The following SLC24A2 variants were observed in gnomAD, a reference collection of about 807,000 sequenced individuals.
The protein encoded by SLC24A2 is solute carrier family 24 member 2.
In SLC24A2, 36 loss-of-function variants were observed where a neutral mutation model predicts 62.0. That is an observed-to-expected ratio of 0.58 (90% CI 0.44 to 0.77). SLC24A2 has a LOEUF of 0.77. Among genes scored for constraint, SLC24A2 ranks in the 30% least tolerant of loss-of-function variants. SLC24A2 has a pLI of 0.00. For missense variants in SLC24A2, 846 were observed against 817.9 expected, an observed-to-expected ratio of 1.03 and a Z score of -0.42; for synonymous variants, 358 against 294.0, an observed-to-expected ratio of 1.22 and a Z score of -2.23.
At chr9:20,016,092 T>C in the SLC24A2 span, among the ~76,000 whole-genome samples, 1 of 152,232 alleles carries the variant, frequency 6.6e-6, no homozygotes, top group Non-Finnish European at 1.5e-5. Flanking sequence ...TATAGGCCAG[T>C]GCTTTTTGAA....
intron 2 of SLC24A2, among the ~76,000 whole-genome samples, chr9:19,679,129 G>A (rs920681493): frequency 2.6e-5 from 4 of 152,230 alleles, no homozygotes; most frequent in East Asian, 1.9e-4. Flanking sequence ...CCTGTTATCC[G>A]AGTTTGCATT....
In SLC24A2 at chr9:19,786,409, C is replaced by G; in HGVS notation, c.458G>C (p.Cys153Ser). ...CAAAGAAGGAACAAAGAACTCATCA[C>G]AGACAATGGCTAAGGCTATGAACAT... Reference protein sequence around the residue: ...IYMFIALAIVCDEFFVPSLTV... With the variant: ...IYMFIALAIVSDEFFVPSLTV... Residue 153 changes from cysteine to serine, a missense_variant, in exon 2 of 11, where the codon TGT becomes TCT. Transcript: ENST00000341998. This position sits in a 1 kb window ranked among gnomAD's most constrained non-coding sequence, Gnocchi z 5.0. 3.7e-6 allele frequency: 6 copies of G among 1,614,204 alleles called. No homozygotes were observed. Among genetic ancestry groups the G allele is most frequent in the Non-Finnish European group, 5.1e-6 (6 of 1,180,042 alleles).
At chr9:19,956,959 A>T in the SLC24A2 span, among the ~76,000 whole-genome samples, 1 of 152,178 alleles carries the variant, frequency 6.6e-6, no homozygotes, top group East Asian at 1.9e-4. Flanking sequence ...GCATCTGTGG[A>T]GGCTTGGTCT....
the SLC24A2 span, among the ~76,000 whole-genome samples, chr9:20,203,384 A>C: frequency 2.6e-5 from 4 of 152,144 alleles, no homozygotes; most frequent in Non-Finnish European, 5.9e-5. Context: ...ATTTGCTCTT[A>C]ATTCAGCTCC....
the SLC24A2 span, among the ~76,000 whole-genome samples, chr9:19,807,376 T>G: frequency 2.0e-5 from 3 of 152,258 alleles, no homozygotes; most frequent in African/African-American, 4.8e-5. Context: ...TTTCCTAATT[T>G]GGTTATTCAA....
At chr9:19,749,777 G>A (rs1358379020) in intron 2 of SLC24A2, among the ~76,000 whole-genome samples, 1 of 152,128 alleles carries the variant, frequency 6.6e-6, no homozygotes, top group East Asian at 1.9e-4. Flanking sequence ...CTGGCAACTC[G>A]AATTAGTGGG....
intron 2 of SLC24A2, among the ~76,000 whole-genome samples, chr9:19,778,500 G>A (rs1420647931): frequency 2.0e-5 from 3 of 152,184 alleles, no homozygotes; most frequent in Non-Finnish European, 4.4e-5. Context: ...ATGGTAGGAT[G>A]TGTCTATTTG....
At chr9:19,904,743 A>T in the SLC24A2 span, among the ~76,000 whole-genome samples, 1 of 152,094 alleles carries the variant, frequency 6.6e-6, no homozygotes, top group Non-Finnish European at 1.5e-5. Context: ...TCTCTTGGGC[A>T]TTTACATTTT....
At chr9:20,185,252 G>A in the SLC24A2 span, among the ~76,000 whole-genome samples, 1 of 152,068 alleles carries the variant, frequency 6.6e-6, no homozygotes, top group South Asian at 2.1e-4. Context: ...AGTATGGGAG[G>A]TAATGCATAT....
chr9:19,558,690 C>A (rs528138421), intron 7 of SLC24A2, among the ~76,000 whole-genome samples: 4 of 152,204 alleles, frequency 2.6e-5, no homozygotes, highest in African/African-American at 9.7e-5. Flanking sequence ...CAAAGGCCAA[C>A]AGAGCCCCAT....
intron 7 of SLC24A2, among the ~76,000 whole-genome samples, chr9:19,559,474 A>G (rs1835284842): frequency 6.6e-6 from 1 of 152,242 alleles, no homozygotes; most frequent in Non-Finnish European, 1.5e-5. Context: ...TAGACTTACT[A>G]TCAGAAACAA....
Position 19,731,497 on chromosome 9 carries a change from T to TTCTC in SLC24A2, c.930+54436_930+54439dup, listed in dbSNP as rs71335449. On this transcript the variant is annotated intron_variant, in intron 2 of 10. Transcript: ENST00000341998. ...AAAAGAGACACTTAAGAACACTTGT[T>TTCTC]TCTCTCTCTCTCTCTCTCCGTGTGT... is the stretch of plus-strand genomic sequence containing the variant. Among the ~76,000 whole-genome samples the TTCTC allele has an allele frequency of 4.1e-4, 61 of 148,060 alleles. 1 individual carries two copies. The highest frequency in any genetic ancestry group is 6.8e-3 in the Middle Eastern group (2 of 292).
chr9:19,636,331 C>CTTTCTTTCTTTCTTTG (rs1564009839), intron 2 of SLC24A2, among the ~76,000 whole-genome samples: 1 of 19,576 alleles, frequency 5.1e-5, no homozygotes, highest in Admixed American at 4.8e-4. Context: ...TTCTTTCTTT[C>CTTTCTTTCTTTCTTTG]TTTCTTTCTT....
intron 4 of SLC24A2, among the ~76,000 whole-genome samples, 168 bp downstream of exon 4, chr9:19,619,416 C>T (rs1817852702): frequency 6.6e-6 from 1 of 152,172 alleles, no homozygotes; most frequent in Admixed American, 6.5e-5. Flanking sequence ...GTGAACTGAG[C>T]TGTTGCAGAT....
chr9:19,621,962 C>A (rs1817918309), intron 3 of SLC24A2, among the ~76,000 whole-genome samples: 1 of 152,160 alleles, frequency 6.6e-6, no homozygotes, highest in Non-Finnish European at 1.5e-5. Flanking sequence ...AGTTCAACAT[C>A]CCTTGGAATG....
At chr9:20,253,953 A>G in the SLC24A2 span, among the ~76,000 whole-genome samples, 30 of 152,300 alleles carry the variant, frequency 2.0e-4, no homozygotes, top group Middle Eastern at 6.8e-3. Flanking sequence ...AGGAGGACCA[A>G]TGAGGGAGAA....
the SLC24A2 span, among the ~76,000 whole-genome samples, chr9:20,099,463 A>C: frequency 6.6e-6 from 1 of 152,182 alleles, no homozygotes; most frequent in African/African-American, 2.4e-5. Flanking sequence ...CAGACTGATG[A>C]AAATGTGTAT....
chr9:19,713,381 T>G (rs1037595253), intron 2 of SLC24A2, among the ~76,000 whole-genome samples: 2 of 152,206 alleles, frequency 1.3e-5, no homozygotes, highest in Non-Finnish European at 2.9e-5. Flanking sequence ...TGATAAGGCT[T>G]TAGCACATTT....
intron 2 of SLC24A2, among the ~76,000 whole-genome samples, chr9:19,785,438 C>T (rs1823133751): frequency 6.6e-6 from 1 of 152,194 alleles, no homozygotes; most frequent in African/African-American, 2.4e-5. Flanking sequence ...ACAATAATGA[C>T]AAGCCCTGCT....
Sources: allele counts gnomAD v4.1 joint callset (sites outside exome capture counted in the v4.1 genomes callset), GRCh38; gene constraint gnomAD v4.1.1; non-coding constraint Gnocchi (gnomAD v3.1); transcripts MANE v1.5; gene names NCBI Gene and HGNC (gene_info 2026-07-23, HGNC 2026-07-21).